The following ADGRV1 variants were observed in gnomAD, a reference collection of about 807,000 sequenced individuals.
ADGRV1 encodes the protein G-protein coupled receptor 98.
In ADGRV1, 359 loss-of-function variants were observed where a neutral mutation model predicts 596.2. That is an observed-to-expected ratio of 0.60 (90% CI 0.55 to 0.66). The LOEUF is 0.66. Ranked by LOEUF, ADGRV1 falls within the 30% of genes least tolerant of loss-of-function variation. The pLI, the probability that ADGRV1 is intolerant of heterozygous loss-of-function variation, is 0.00. For synonymous variants in ADGRV1, 2,681 were observed against 2,679.2 expected, an observed-to-expected ratio of 1.00 and a Z score of -0.02; for missense variants, 7,274 against 7,575.6, an observed-to-expected ratio of 0.96 and a Z score of 1.48.
chr5:90,880,646 G>T (rs1769671812), intron 83 of ADGRV1, among the ~76,000 whole-genome samples: 1 of 152,070 alleles, frequency 6.6e-6, no homozygotes, highest in Admixed American at 6.6e-5. Flanking sequence ...AGTTTTTGAT[G>T]ATTTTTATCA....
chr5:91,030,827 A>C (rs1268109421), intron 85 of ADGRV1, among the ~76,000 whole-genome samples: 2 of 152,206 alleles, frequency 1.3e-5, no homozygotes, highest in Admixed American at 1.3e-4. Flanking sequence ...CTAAAAATTC[A>C]TTATTATTCA....
chr5:91,076,551 A>G (rs1788869980), intron 86 of ADGRV1, among the ~76,000 whole-genome samples: 1 of 152,196 alleles, frequency 6.6e-6, no homozygotes, highest in Non-Finnish European at 1.5e-5. Flanking sequence ...TATAACTGTA[A>G]AAATGGATAC....
chr5:91,059,262 CTGTGGAGAAGCTACATACTGAGTA>C (rs1237787350), intron 85 of ADGRV1, among the ~76,000 whole-genome samples: 1 of 152,122 alleles, frequency 6.6e-6, no homozygotes, highest in Admixed American at 6.6e-5. Flanking sequence ...GAAAACTGAG[CTGTGGAGAAGCTACATACTGAGTA>C]TGTGGAGAAG....
chr5:90,628,214 C>T (rs551209308), intron 7 of ADGRV1, among the ~76,000 whole-genome samples: 2 of 47,362 alleles, frequency 4.2e-5, no homozygotes, highest in Non-Finnish European at 7.9e-5. Context: ...AGTGAGACCC[C>T]GCCCACAAAA....
chr5:90,936,942 G>C (rs1775746076), intron 83 of ADGRV1, among the ~76,000 whole-genome samples: 1 of 151,992 alleles, frequency 6.6e-6, no homozygotes, highest in South Asian at 2.1e-4. Flanking sequence ...GGTTGACAGG[G>C]TATAAAATTC....
Position 90,642,532 on chromosome 5 carries a change from C to G in ADGRV1, c.2241-104C>G, listed in dbSNP as rs2149427465. On this transcript the variant is annotated intron_variant, in intron 11 of 89. Coordinates refer to ENST00000405460, the MANE Select transcript of ADGRV1 (RefSeq NM_032119.4). ...TAAGGTCTAATTCCTCATAGCCTTC[C>G]TTTTCATTATCTGGAAGAGTTGTAA... 3 of 1,236,894 alleles carry G rather than the reference C, an allele frequency of 2.4e-6. No homozygotes were observed. The South Asian group carries it at 4.6e-5, about 19-fold the overall frequency. 76.6% of individuals were successfully genotyped at this position (1,236,894 alleles called of 1,614,324 possible). A position where few individuals can be genotyped will look rare whatever the true frequency, so the allele number is the denominator to read the frequency against.
chr5:90,937,706 C>T (rs995264940), intron 83 of ADGRV1, among the ~76,000 whole-genome samples: 1 of 152,236 alleles, frequency 6.6e-6, no homozygotes, highest in Non-Finnish European at 1.5e-5. Flanking sequence ...ATCCGCCCGC[C>T]TTGGCCTCCC....
At chr5:91,029,850 C>T (rs910038451) in intron 85 of ADGRV1, among the ~76,000 whole-genome samples, 1 of 152,036 alleles carries the variant, frequency 6.6e-6, no homozygotes, top group Non-Finnish European at 1.5e-5. Context: ...TTCCTTAACT[C>T]TTGATTTTAA....
chr5:91,013,872 T>C (rs1782930774), intron 85 of ADGRV1, among the ~76,000 whole-genome samples: 1 of 152,014 alleles, frequency 6.6e-6, no homozygotes, highest in Non-Finnish European at 1.5e-5. Flanking sequence ...CATCTTGAAT[T>C]GATTTTTGTG....
chr5:90,677,348 G>C (rs1466312425), intron 25 of ADGRV1, among the ~76,000 whole-genome samples: 3 of 152,152 alleles, frequency 2.0e-5, no homozygotes, highest in Non-Finnish European at 2.9e-5. Flanking sequence ...CAGGGAAGTG[G>C]TTAAACAGTG....
At chr5:91,113,211 C>G (rs1409255679) in intron 87 of ADGRV1, among the ~76,000 whole-genome samples, 1 of 152,156 alleles carries the variant, frequency 6.6e-6, no homozygotes, top group Admixed American at 6.5e-5. Flanking sequence ...AAGCAGGTAA[C>G]TTCTATGGCT....
intron 1 of ADGRV1, among the ~76,000 whole-genome samples, chr5:90,599,792 G>A (rs991719816): frequency 1.3e-5 from 2 of 152,094 alleles, no homozygotes; most frequent in Admixed American, 1.3e-4. Context: ...AAAGTCATTG[G>A]CTTCAAACTT....
rs545414561 is a variant in ADGRV1, at chr5:91,000,243, C to A, written c.18152+14721C>A. 3.3e-5 allele frequency among the ~76,000 whole-genome samples: 5 copies of A among 152,026 alleles called. 1 individual carries two copies. In the East Asian group the frequency reaches 9.7e-4, roughly 29 times the overall value. The stretch of plus-strand genomic sequence containing the variant: ...AGAATTTCCCATGCATTGAGTATAC[C>A]TCAGCATTTTTTAATGGATTCACAA... On this transcript the variant is annotated intron_variant, in intron 85 of 89. Coordinates refer to ENST00000405460, the MANE Select transcript of ADGRV1 (RefSeq NM_032119.4).
chr5:90,755,094 C>T lies in ADGRV1; in HGVS notation c.11489C>T (p.Ala3830Val), dbSNP rs1755688624. Reference protein sequence around the residue: ...PNFLLHVDNQATENEDYVLQE... With the variant: ...PNFLLHVDNQVTENEDYVLQE... ...TTCTTACTGCATGTCGATAATCAAG[C>T]TACTGAGAATGAAGATTATGTATTG... Residue 3830 changes from alanine (A) to valine (V), a missense_variant, in exon 55 of 90, where the codon GCT becomes GTT. This residue lies in a region of ADGRV1 where 3,643 missense variants were observed against 3,809.2 expected (regional missense o/e 0.96). Transcript: ENST00000405460. 6.2e-7 allele frequency: 1 copy of T among 1,608,670 alleles called. No individual in the cohort carries two copies. The highest frequency in any genetic ancestry group is 1.1e-5 in the South Asian group (1 of 90,944).
At chr5:90,690,185 T>A in intron 30 of ADGRV1, 109 bp downstream of exon 30, 1 of 663,116 alleles carries the variant, frequency 1.5e-6, no homozygotes, top group Non-Finnish European at 2.6e-6. Flanking sequence ...CTTTCTTTCT[T>A]AACCTGCTGT....
chr5:90,797,109 T>G (rs1275460608), intron 70 of ADGRV1, among the ~76,000 whole-genome samples: 3 of 151,912 alleles, frequency 2.0e-5, no homozygotes, highest in Non-Finnish European at 4.4e-5. Flanking sequence ...ATGATCAAAT[T>G]CACACATAAC....
intron 86 of ADGRV1, 73 bp from the exon 87 acceptor site, chr5:91,102,146 C>T: frequency 7.0e-7 from 1 of 1,431,718 alleles, no homozygotes. Flanking sequence ...CAGAAAGAAG[C>T]CAAAAATAAC....
intron 64 of ADGRV1, chr5:90,779,320 T>C: frequency 3.0e-6 from 1 of 336,374 alleles, no homozygotes; most frequent in Non-Finnish European, 5.4e-6. Context: ...ATTGAAAGTA[T>C]GTGTTTCTAT....
chr5:90,811,949 G>C (rs887681745), intron 74 of ADGRV1, among the ~76,000 whole-genome samples: 1 of 138,896 alleles, frequency 7.2e-6, no homozygotes, highest in African/African-American at 2.7e-5. Flanking sequence ...TTTTTTTGGA[G>C]ATGGAGTCTT....
Sources: allele counts gnomAD v4.1 joint callset (sites outside exome capture counted in the v4.1 genomes callset), GRCh38; gene constraint gnomAD v4.1.1; regional missense constraint gnomAD v4.1.1; transcripts MANE v1.5; gene names NCBI Gene and HGNC (gene_info 2026-07-23, HGNC 2026-07-21).